The following TRAPPC8 variants were observed in gnomAD, a reference collection of about 807,000 sequenced individuals.
TRAPPC8 encodes the protein general sporulation gene 1 homolog.
A neutral mutation model predicts 174.3 loss-of-function variants in TRAPPC8; 54 were observed. The observed-to-expected ratio is 0.31, with a 90% CI of 0.25 to 0.39. The LOEUF is 0.39. TRAPPC8 is among the 10% of genes least tolerant of loss of function. The probability of loss-of-function intolerance (pLI) is 1.00; values close to 1 mark genes in which losing one functional copy is unlikely to be tolerated. For missense variants in TRAPPC8, 1,531 were observed against 1,699.1 expected (o/e 0.90, Z 1.74); for synonymous variants, 630 against 579.9 (o/e 1.09, Z -1.24).
chr18:31,846,925 T>G, intron 25 of TRAPPC8, 108 bp from the exon 26 acceptor site: 1 of 626,468 alleles, frequency 1.6e-6, no homozygotes, highest in Non-Finnish European at 2.7e-6. Flanking sequence ...TATCTATCAA[T>G]TATTGACACT....
chr18:31,909,797 AC>A, intron 5 of TRAPPC8, 37 bp from the exon 6 acceptor site: 1 of 1,288,290 alleles, frequency 7.8e-7, no homozygotes, highest in South Asian at 1.3e-5. Flanking sequence ...TAGCAGTTAT[AC>A]TTAATCATAC....
At chr18:31,939,081 T>TAAA (rs2038220162) in intron 1 of TRAPPC8, among the ~76,000 whole-genome samples, 1 of 18,042 alleles carries the variant, frequency 5.5e-5, no homozygotes, top group African/African-American at 1.5e-4. Context: ...AGACTCCGTC[T>TAAA]CAAAAAAAAA....
chr18:31,916,691 C>T (rs2037162650), intron 3 of TRAPPC8, among the ~76,000 whole-genome samples: 1 of 152,036 alleles, frequency 6.6e-6, no homozygotes. Flanking sequence ...AGCCACTGCA[C>T]CCAGCTAATT....
chr18:31,931,949 T>C (rs541523165), intron 1 of TRAPPC8, among the ~76,000 whole-genome samples: 4 of 152,294 alleles, frequency 2.6e-5, no homozygotes, highest in African/African-American at 7.2e-5. Flanking sequence ...TTCCTTCTTC[T>C]TTCCCTAGTC....
At chr18:31,907,209 T>C (rs2036698207) in intron 9 of TRAPPC8, among the ~76,000 whole-genome samples, 1 of 152,108 alleles carries the variant, frequency 6.6e-6, no homozygotes, top group Non-Finnish European at 1.5e-5. Context: ...TCTCAAACGC[T>C]TGGGCTCAAG....
chr18:31,911,887 A>C (rs2036926159), intron 5 of TRAPPC8, among the ~76,000 whole-genome samples: 1 of 151,562 alleles, frequency 6.6e-6, no homozygotes, highest in African/African-American at 2.4e-5. Context: ...AAAAAAAAAA[A>C]AAAATTTTCT....
intron 1 of TRAPPC8, among the ~76,000 whole-genome samples, chr18:31,935,364 C>CAAAAAAAAAAA (rs10646414): frequency 9.2e-6 from 1 of 108,200 alleles, no homozygotes; most frequent in African/African-American, 3.9e-5. Context: ...ACAAACAAAC[C>CAAAAAAAAAAA]AAAAAAAAAA....
At chr18:31,902,253 C>T (rs982516265) in intron 9 of TRAPPC8, among the ~76,000 whole-genome samples, 1 of 152,204 alleles carries the variant, frequency 6.6e-6, no homozygotes, top group African/African-American at 2.4e-5. Flanking sequence ...ATCGCTTGAA[C>T]CCGGGAAGCG....
chr18:31,874,801 G>A, intron 12 of TRAPPC8, 97 bp from the exon 13 acceptor site: 2 of 990,634 alleles, frequency 2.0e-6, no homozygotes, highest in South Asian at 3.4e-5. Context: ...TTAAGTAACT[G>A]GTTCTTCCTC....
intron 12 of TRAPPC8, among the ~76,000 whole-genome samples, chr18:31,878,754 C>T (rs2035282920): frequency 6.6e-6 from 1 of 152,084 alleles, no homozygotes; most frequent in African/African-American, 2.4e-5. Context: ...ACGAGATCCA[C>T]AGGCTCAAAG....
chr18:31,859,652 G>C (rs1489385508), intron 19 of TRAPPC8, among the ~76,000 whole-genome samples: 1 of 152,150 alleles, frequency 6.6e-6, no homozygotes, highest in Non-Finnish European at 1.5e-5. Flanking sequence ...ACACATAAAA[G>C]ACTAGTGGTA....
At chr18:31,870,842 T>A in intron 15 of TRAPPC8, 84 bp downstream of exon 15, 2 of 1,264,774 alleles carry the variant, frequency 1.6e-6, no homozygotes, top group Non-Finnish European at 2.1e-6. Context: ...CCAGCACCAA[T>A]TATGTGTGCC....
At chr18:31,841,745 T>C (rs1187026452) in intron 26 of TRAPPC8, among the ~76,000 whole-genome samples, 1 of 152,204 alleles carries the variant, frequency 6.6e-6, no homozygotes, top group African/African-American at 2.4e-5. Context: ...GTTGTAATTT[T>C]AAGTACTGAT....
Position 31,857,610 on chromosome 18 carries a change from C to A in TRAPPC8, c.3118G>T (p.Asp1040Tyr). ...TTAATTTCATGGACACCTTCTTCAT[C>A]AGGCCCACGTAACCACATTGGCAGC... ...VQLPMWLRGP[D>Y]EEGVHEINFL... The change falls in exon 20 of 29, where the codon GAT (aspartate) becomes TAT (tyrosine). Residue 1040 changes from aspartate to tyrosine, a missense_variant. Physicochemically the swap from Asp to Tyr is radical, Grantham distance 160 (BLOSUM62 -3). Coordinates refer to ENST00000283351, the MANE Select transcript of TRAPPC8 (RefSeq NM_014939.5). The A allele has an allele frequency of 1.9e-6, 3 of 1,613,258 alleles. No homozygotes were observed. Among genetic ancestry groups the A allele is most frequent in the Non-Finnish European group, 2.5e-6 (3 of 1,179,726 alleles).
rs371004273 is a variant in TRAPPC8 at position 31,852,709 on chromosome 18, C to T, written c.3434-46G>A. The T allele has an allele frequency of 1.0e-3, 1,537 of 1,505,548 alleles. 3 individuals are homozygous for T. The Middle Eastern group carries it at 0.012, about 11-fold the overall frequency. The allele number at this position is 1,505,548 out of a possible 1,614,324, so 93.3% of individuals were successfully genotyped here. ...TTCAAAGATGTTTCTCAGTTCATCA[C>T]ATGATAAAAACCAATTCATTATTTA... On this transcript the variant is annotated intron_variant, in intron 22 of 28. Transcript: ENST00000283351.
intron 1 of TRAPPC8, among the ~76,000 whole-genome samples, chr18:31,937,855 C>A (rs2038173316): frequency 6.6e-6 from 1 of 151,988 alleles, no homozygotes; most frequent in Non-Finnish European, 1.5e-5. Flanking sequence ...AAGCGCCCAC[C>A]ACCACACCAG....
Position 31,901,044 on chromosome 18 carries a change from T to C in TRAPPC8, c.1390-19A>G. The C allele has an allele frequency of 6.4e-7, 1 of 1,561,684 alleles. No individual in the cohort carries two copies. Among genetic ancestry groups the C allele is most frequent in the Non-Finnish European group, 8.6e-7 (1 of 1,158,242 alleles). On this transcript the variant is annotated intron_variant, in intron 9 of 28. Transcript: ENST00000283351. ...CCATTTCCTAAAATAAAAGACATAGTTTACATATTTCAAAAGAAGAAACAG... is the reference window on the plus strand; with the variant it reads ...CCATTTCCTAAAATAAAAGACATAGCTTACATATTTCAAAAGAAGAAACAG...
At chr18:31,896,513 G>A (rs1268176843) in intron 11 of TRAPPC8, 1 of 151,726 alleles carries the variant, frequency 6.6e-6, no homozygotes, top group Admixed American at 6.6e-5. Flanking sequence ...CAAATAGAGG[G>A]CTAGTTAGTG....
chr18:31,932,834 T>C (rs1187359900), intron 1 of TRAPPC8, among the ~76,000 whole-genome samples: 1 of 151,194 alleles, frequency 6.6e-6, no homozygotes, highest in Non-Finnish European at 1.5e-5. Flanking sequence ...ATACAAAAAG[T>C]AGCCAGGCAT....
Sources: allele counts gnomAD v4.1 joint callset (sites outside exome capture counted in the v4.1 genomes callset), GRCh38; gene constraint gnomAD v4.1.1; transcripts MANE v1.5; gene names NCBI Gene and HGNC (gene_info 2026-07-23, HGNC 2026-07-21).